The following DENND4C variants were observed in gnomAD, a reference collection of about 807,000 sequenced individuals.
The protein encoded by DENND4C is DENN domain-containing protein 4C.
DENND4C carries 108 observed loss-of-function variants against 203.0 expected under a neutral mutation model. The ratio of observed to expected loss-of-function variants is 0.53; its 90% CI spans 0.46 to 0.62. The LOEUF is 0.62. Ranked by LOEUF, DENND4C falls within the 20% of genes least tolerant of loss-of-function variation. DENND4C has a pLI of 0.00. For missense variants in DENND4C, 2,481 were observed against 2,301.2 expected (o/e 1.08, Z -1.60); for synonymous variants, 871 against 792.4 (o/e 1.10, Z -1.67).
At chr9:19,250,312 C>T (rs1314558702) in intron 1 of DENND4C, among the ~76,000 whole-genome samples, 1 of 152,094 alleles carries the variant, frequency 6.6e-6, no homozygotes, top group Non-Finnish European at 1.5e-5. Flanking sequence ...GGCATAGTGG[C>T]GTGCACCTGT....
intron 2 of DENND4C, among the ~76,000 whole-genome samples, chr9:19,283,864 G>T (rs1834661817): frequency 6.6e-6 from 1 of 151,848 alleles, no homozygotes. Flanking sequence ...CAAAGTGCTG[G>T]GATTATAGGC....
At chr9:19,329,490 T>C (rs999621178) in intron 16 of DENND4C, among the ~76,000 whole-genome samples, 1 of 152,260 alleles carries the variant, frequency 6.6e-6, no homozygotes, top group South Asian at 2.1e-4. Flanking sequence ...TTGGCTATTA[T>C]GAATATTGCA....
chr9:19,331,264 A>G (rs1443535364), intron 16 of DENND4C, among the ~76,000 whole-genome samples: 4 of 149,436 alleles, frequency 2.7e-5, no homozygotes, highest in Non-Finnish European at 5.9e-5. Flanking sequence ...GTGCAGTGGC[A>G]CAATCTCAGC....
intron 1 of DENND4C, among the ~76,000 whole-genome samples, chr9:19,260,561 C>G (rs970340407): frequency 6.6e-6 from 1 of 151,984 alleles, no homozygotes; most frequent in African/African-American, 2.4e-5. Context: ...TCACACCCGG[C>G]TAATTTTTGT....
At chr9:19,275,277 C>CTTTTTTTTTTTTTTT (rs71335412) in intron 1 of DENND4C, among the ~76,000 whole-genome samples, 1 of 129,988 alleles carries the variant, frequency 7.7e-6, no homozygotes, top group Non-Finnish European at 1.6e-5. Context: ...CAGGCCCGGC[C>CTTTTTTTTTTTTTTT]TTTTTTTTTT....
intron 1 of DENND4C, among the ~76,000 whole-genome samples, chr9:19,249,363 C>T (rs1378477506): frequency 6.6e-6 from 1 of 151,838 alleles, no homozygotes; most frequent in Non-Finnish European, 1.5e-5. Context: ...AATGATTCTC[C>T]TGCCTCAGCC....
chr9:19,288,474 A>G, intron 3 of DENND4C, 122 bp from the exon 4 acceptor site: 1 of 485,776 alleles, frequency 2.1e-6, no homozygotes, highest in Admixed American at 4.4e-5. Flanking sequence ...TGCATAGTTC[A>G]TTATATAAAC....
At chr9:19,329,907 G>A (rs969392318) in intron 16 of DENND4C, among the ~76,000 whole-genome samples, 3 of 152,152 alleles carry the variant, frequency 2.0e-5, no homozygotes, top group Admixed American at 6.5e-5. Context: ...CTGTGGTTAC[G>A]TATGAGTTAA....
At chr9:19,357,487 C>G (rs1200388132) in intron 27 of DENND4C, 1 of 271,286 alleles carries the variant, frequency 3.7e-6, no homozygotes, top group Non-Finnish European at 7.0e-6. Flanking sequence ...CTAATTGAAT[C>G]AAACATTTAT....
intron 20 of DENND4C, among the ~76,000 whole-genome samples, 152 bp downstream of exon 20, chr9:19,336,984 A>C (rs1820625423): frequency 6.6e-6 from 1 of 152,134 alleles, no homozygotes; most frequent in Non-Finnish European, 1.5e-5. Flanking sequence ...TCTGCAGATG[A>C]CTTCTGTTTA....
chr9:19,248,991 A>G (rs1031280693), intron 1 of DENND4C, among the ~76,000 whole-genome samples: 1 of 151,896 alleles, frequency 6.6e-6, no homozygotes, highest in African/African-American at 2.4e-5. Context: ...GGGTTTCACC[A>G]TGTTGGTCAT....
At chr9:19,276,821 T>A (rs942890657) in intron 2 of DENND4C, 2 of 164,802 alleles carry the variant, frequency 1.2e-5, no homozygotes, top group African/African-American at 4.8e-5. Context: ...AAAGACACTA[T>A]CATTTTAAGG....
chr9:19,332,219 A>T lies in DENND4C; in HGVS notation c.2460+35A>T, dbSNP rs150709653. On this transcript the variant is annotated intron_variant, in intron 17 of 32. Coordinates refer to ENST00000434457, the MANE Select transcript of DENND4C (RefSeq NM_001330640.2). ...ACAAATTGACATTGTTTCTAAGGTAAATTTTATTTTTGTACTTCTAATAAA... is the reference window on the plus strand; with the variant it reads ...ACAAATTGACATTGTTTCTAAGGTATATTTTATTTTTGTACTTCTAATAAA... The T allele has an allele frequency of 9.0e-4, 1,440 of 1,594,756 alleles. 18 individuals carry two copies. The African/African-American group carries it at 0.017, about 19-fold the overall frequency.
At chr9:19,337,393 C>G (rs1479902038) in intron 20 of DENND4C, among the ~76,000 whole-genome samples, 1 of 152,174 alleles carries the variant, frequency 6.6e-6, no homozygotes, top group African/African-American at 2.4e-5. Context: ...ACATATCCTT[C>G]TTCTTGTGTT....
intron 1 of DENND4C, among the ~76,000 whole-genome samples, chr9:19,254,705 A>G (rs1421234945): frequency 1.3e-5 from 2 of 152,216 alleles, no homozygotes; most frequent in East Asian, 3.8e-4. Context: ...CATGGTCACT[A>G]TGGGTGGTGG....
chr9:19,361,237 AT>A (rs1276163396), intron 29 of DENND4C, among the ~76,000 whole-genome samples: 1 of 152,098 alleles, frequency 6.6e-6, no homozygotes, highest in Non-Finnish European at 1.5e-5. Flanking sequence ...GACCCATATT[AT>A]CCATATTTTT....
At position 19,326,319 on chromosome 9, in the gene DENND4C, A is replaced by G. The variant is rs1817826758; in HGVS notation, c.2120+125A>G. On this transcript the variant is annotated intron_variant, in intron 15 of 32. Coordinates refer to ENST00000434457, the MANE Select transcript of DENND4C (RefSeq NM_001330640.2). ...CAGTATTAGTTCAGTGAACTAATGT[A>G]GATAAATATTTTATGGAAATGCCAC... The G allele has an allele frequency of 3.1e-6, 3 of 981,226 alleles. No individual in the cohort carries two copies. In the South Asian group the frequency reaches 8.4e-5, roughly 27 times the overall value. 60.8% of individuals were successfully genotyped at this position (981,226 alleles called of 1,614,324 possible).
Position 19,332,132 on chromosome 9 carries a change from C to T in DENND4C, c.2408C>T (p.Ala803Val). The change falls in exon 17 of 33, where the codon GCA becomes GTA. Residue 803 changes from alanine (A) to valine (V), a missense_variant. Physicochemically the swap from Ala to Val is moderately conservative, Grantham distance 64. Coordinates refer to ENST00000434457, the MANE Select transcript of DENND4C (RefSeq NM_001330640.2). ...SHPKVRALQQ[A>V]YDVLIKMRKT... ...CCTAAAGTCAGAGCACTTCAGCAGG[C>T]ATATGATGTACTTATTAAGATGAGG... is the stretch of plus-strand genomic sequence containing the variant. 1 of 1,613,974 alleles carries T rather than the reference C, an allele frequency of 6.2e-7. No individual in the cohort carries two copies. The highest frequency in any genetic ancestry group is 1.3e-5 in the African/African-American group (1 of 75,022).
chr9:19,340,720 C>G (rs1245857102), intron 20 of DENND4C, among the ~76,000 whole-genome samples: 1 of 152,190 alleles, frequency 6.6e-6, no homozygotes, highest in African/African-American at 2.4e-5. Context: ...CCAAAAGAGA[C>G]TTCCAAACAT....
Sources: gnomAD v4.1 joint callset for allele counts (sites outside exome capture counted in the v4.1 genomes callset) on GRCh38, gnomAD v4.1.1 for gene constraint, MANE v1.5 for transcripts, NCBI Gene and HGNC (gene_info 2026-07-23, HGNC 2026-07-21) for gene names.